Variants in PCED1B observed in about 807,000 individuals in gnomAD.
The protein encoded by PCED1B is PC-esterase domain-containing protein 1B.
For synonymous variants in PCED1B, 251 were observed against 246.1 expected (o/e 1.02, Z -0.19); for missense variants, 573 against 573.9 (o/e 1.00, Z 0.02).
At chr12:47,146,377 A>T (rs1338254694) in intron 2 of PCED1B, among the ~76,000 whole-genome samples, 1 of 152,224 alleles carries the variant, frequency 6.6e-6, no homozygotes, top group Non-Finnish European at 1.5e-5. Flanking sequence ...TTGATAAAGC[A>T]GTGGCAGGGT....
intron 2 of PCED1B, among the ~76,000 whole-genome samples, chr12:47,207,355 T>C (rs1258669589): frequency 1.3e-5 from 2 of 151,922 alleles, no homozygotes; most frequent in Non-Finnish European, 2.9e-5. Flanking sequence ...GTAGCACAGA[T>C]AAGAACCTAA....
At chr12:47,146,397 T>C (rs1016094517) in intron 2 of PCED1B, among the ~76,000 whole-genome samples, 13 of 152,226 alleles carry the variant, frequency 8.5e-5, no homozygotes, top group African/African-American at 2.7e-4. Flanking sequence ...TTTGAGGGGA[T>C]TGACTCCAAT....
chr12:47,109,189 G>A (rs1939084961), intron 2 of PCED1B, among the ~76,000 whole-genome samples: 1 of 152,150 alleles, frequency 6.6e-6, no homozygotes, highest in Admixed American at 6.6e-5. Context: ...GAAGATTCAA[G>A]TACTAGATTT....
chr12:47,173,606 T>C (rs1006974297), intron 2 of PCED1B, among the ~76,000 whole-genome samples: 3 of 151,636 alleles, frequency 2.0e-5, no homozygotes, highest in Non-Finnish European at 4.4e-5. Flanking sequence ...TTCTTAAACA[T>C]GGTGGGATAA....
chr12:47,149,236 G>C (rs1483243021), intron 2 of PCED1B, among the ~76,000 whole-genome samples: 1 of 152,100 alleles, frequency 6.6e-6, no homozygotes, highest in Non-Finnish European at 1.5e-5. Context: ...CTAACCCAGA[G>C]CTGACAATAC....
intron 2 of PCED1B, 157 bp from the exon 3 acceptor site, chr12:47,216,065 A>AT (rs1943251852): frequency 6.6e-6 from 1 of 152,210 alleles, no homozygotes; most frequent in Non-Finnish European, 1.5e-5. Flanking sequence ...AAAAAAATAA[A>AT]TAAATAAAAA....
chr12:47,087,974 C>T (rs929976670), intron 1 of PCED1B, among the ~76,000 whole-genome samples: 2 of 152,232 alleles, frequency 1.3e-5, no homozygotes, highest in Middle Eastern at 6.8e-3. Context: ...GAATCAAATC[C>T]CTGGATTTTG....
At chr12:47,132,205 GCTT>G (rs1940162784) in intron 2 of PCED1B, among the ~76,000 whole-genome samples, 1 of 152,134 alleles carries the variant, frequency 6.6e-6, no homozygotes, top group South Asian at 2.1e-4. Flanking sequence ...TTGCATGTGA[GCTT>G]CTTCTAAACA....
At chr12:47,202,594 T>TAAAAAAAAAAAAAA (rs60769675) in intron 2 of PCED1B, among the ~76,000 whole-genome samples, 3 of 66,674 alleles carry the variant, frequency 4.5e-5, no homozygotes, top group Non-Finnish European at 8.8e-5. Flanking sequence ...TAGACATTAG[T>TAAAAAAAAAAAAAA]AAAAAAAAAA....
chr12:47,227,085 C>T (rs972590021), intron 3 of PCED1B, among the ~76,000 whole-genome samples: 1 of 152,168 alleles, frequency 6.6e-6, no homozygotes, highest in African/African-American at 2.4e-5. Context: ...AATCCTGTTA[C>T]AGTTACAGTG....
intron 2 of PCED1B, among the ~76,000 whole-genome samples, chr12:47,149,026 C>G (rs1940895786): frequency 6.6e-6 from 1 of 152,224 alleles, no homozygotes; most frequent in Admixed American, 6.5e-5. Context: ...AATGGCACTG[C>G]TGAGAATCTT....
At chr12:47,234,856 T>C (rs1332991875) in intron 3 of PCED1B, among the ~76,000 whole-genome samples, 151 bp from the exon 4 acceptor site, 1 of 152,142 alleles carries the variant, frequency 6.6e-6, no homozygotes, top group Non-Finnish European at 1.5e-5. Context: ...CCGGGCTTGG[T>C]GGAGCCTGTT....
At chr12:47,234,338 G>A (rs1222331798) in intron 3 of PCED1B, among the ~76,000 whole-genome samples, 1 of 152,128 alleles carries the variant, frequency 6.6e-6, no homozygotes, top group East Asian at 1.9e-4. Context: ...TGTGTTACCT[G>A]TTGCATTTCA....
At position 47,174,278 on chromosome 12, in the gene PCED1B, G is replaced by A. The variant is rs576289364; in HGVS notation, c.-525-41944G>A. On this transcript the variant is annotated intron_variant, in intron 2 of 3. Coordinates refer to ENST00000546455, the MANE Select transcript of PCED1B (RefSeq NM_138371.3). ...ACAAAAATTAGCCAGGCATGGTGGCGCATGCTTGTAATTCCAGCTACTCGG... is the reference window on the plus strand; with the variant it reads ...ACAAAAATTAGCCAGGCATGGTGGCACATGCTTGTAATTCCAGCTACTCGG... Among the ~76,000 whole-genome samples the A allele has an allele frequency of 2.0e-4, 30 of 152,102 alleles. No individual in the cohort carries two copies. The South Asian group carries it at 5.0e-3, about 25-fold the overall frequency.
intron 2 of PCED1B, chr12:47,206,040 C>G (rs1031045147): frequency 1.3e-5 from 2 of 152,162 alleles, no homozygotes; most frequent in African/African-American, 4.8e-5. Flanking sequence ...CACAAGGAGT[C>G]GAAGCTGTCT....
chr12:47,235,430 TC>T lies in PCED1B; in HGVS notation c.369del (p.Cys124AlafsTer66). ...EHAPDLVIMN[S>X]CLWDISRYGP... is the part of the protein sequence containing the mutation. The stretch of plus-strand genomic sequence containing the variant: ...CGCCCCCGACCTGGTCATCATGAAT[TC>T]CTGCCTCTGGGACATCTCCAGGTAT... On this transcript the variant is annotated frameshift_variant, in exon 4 of 4. Transcript: ENST00000546455. LOFTEE classifies it low-confidence loss of function (END_TRUNC). The T allele has an allele frequency of 6.2e-7, 1 of 1,614,148 alleles. No homozygotes were observed. Among genetic ancestry groups the T allele is most frequent in the South Asian group, 1.1e-5 (1 of 91,084 alleles).
chr12:47,208,144 T>C (rs1942966415), intron 2 of PCED1B, among the ~76,000 whole-genome samples: 1 of 152,186 alleles, frequency 6.6e-6, no homozygotes, highest in South Asian at 2.1e-4. Context: ...GGTGTCAAGG[T>C]CTCTGAACCG....
intron 2 of PCED1B, among the ~76,000 whole-genome samples, chr12:47,127,566 G>T (rs184216523): frequency 6.6e-6 from 1 of 151,560 alleles, no homozygotes; most frequent in Non-Finnish European, 1.5e-5. Flanking sequence ...GGGTCTCACC[G>T]TGTTAGCCAG....
chr12:47,103,896 C>T (rs1054457550), intron 1 of PCED1B, among the ~76,000 whole-genome samples: 2 of 152,142 alleles, frequency 1.3e-5, no homozygotes, highest in Non-Finnish European at 2.9e-5. Context: ...GTCATTGCTC[C>T]ATTATGTGAC....
Sources: gnomAD v4.1 joint callset for allele counts (sites outside exome capture counted in the v4.1 genomes callset) on GRCh38, gnomAD v4.1.1 for gene constraint, MANE v1.5 for transcripts, NCBI Gene and HGNC (gene_info 2026-07-23, HGNC 2026-07-21) for gene names.